DLGAP1: variants seen among roughly 807,000 people sequenced by gnomAD.
The protein encoded by DLGAP1 is disks large-associated protein 1.
Under a neutral mutation model 90.8 loss-of-function variants are expected in DLGAP1, and 11 were observed. The ratio of observed to expected loss-of-function variants is 0.12; its 90% CI spans 0.08 to 0.20. The LOEUF (loss-of-function observed/expected upper bound fraction) is 0.20, where lower values mean the gene tolerates loss of function less well. Among genes scored for constraint, DLGAP1 ranks in the 10% least tolerant of loss-of-function variants. The pLI, the probability that DLGAP1 is intolerant of heterozygous loss-of-function variation, is 1.00. For synonymous variants in DLGAP1, 558 were observed against 540.7 expected, an observed-to-expected ratio of 1.03 and a Z score of -0.44; for missense variants, 1,050 against 1,333.8, an observed-to-expected ratio of 0.79 and a Z score of 3.31.
At chr18:3,736,965 A>G (rs1185384282) in intron 6 of DLGAP1, among the ~76,000 whole-genome samples, 3 of 149,742 alleles carry the variant, frequency 2.0e-5, no homozygotes, top group Non-Finnish European at 4.4e-5. Flanking sequence ...CAGAAATACA[A>G]ACTACCATCA....
At chr18:3,705,644 ATAATAG>A (rs965075537) in intron 7 of DLGAP1, among the ~76,000 whole-genome samples, 3 of 150,412 alleles carry the variant, frequency 2.0e-5, no homozygotes, top group Non-Finnish European at 4.4e-5. Context: ...TATAATAATA[ATAATAG>A]TAATTATTAT....
At chr18:3,501,492 T>C (rs2049931460) in intron 12 of DLGAP1, among the ~76,000 whole-genome samples, 1 of 152,200 alleles carries the variant, frequency 6.6e-6, no homozygotes, top group African/African-American at 2.4e-5. Context: ...GGGACAGTGA[T>C]GAGAGCATCA....
At chr18:4,029,205 A>G (rs1047462823) in intron 2 of DLGAP1, among the ~76,000 whole-genome samples, 2 of 152,144 alleles carry the variant, frequency 1.3e-5, no homozygotes, top group African/African-American at 2.4e-5. Flanking sequence ...TTAAGGCTGA[A>G]TGGTATTCCC....
chr18:3,590,591 A>G (rs1475131656), intron 7 of DLGAP1, among the ~76,000 whole-genome samples: 1 of 152,126 alleles, frequency 6.6e-6, no homozygotes, highest in Non-Finnish European at 1.5e-5. Context: ...ACGGTGGCCC[A>G]CACCTGTAAT....
intron 2 of DLGAP1, among the ~76,000 whole-genome samples, chr18:4,015,874 G>C (rs2074514626): frequency 6.6e-6 from 1 of 152,092 alleles, no homozygotes; most frequent in Non-Finnish European, 1.5e-5. Context: ...TCCCACTGTT[G>C]AGCTAACAAT....
chr18:3,534,697 T>C, intron 9 of DLGAP1, 82 bp from the exon 10 acceptor site: 3 of 1,049,686 alleles, frequency 2.9e-6, no homozygotes, highest in Non-Finnish European at 3.7e-6. Context: ...TTTCTTTCTT[T>C]TTTTTTTTTT....
chr18:4,043,357 C>A (rs2075003582), intron 2 of DLGAP1, among the ~76,000 whole-genome samples: 1 of 152,270 alleles, frequency 6.6e-6, no homozygotes, highest in Non-Finnish European at 1.5e-5. Context: ...ATGTATGAAT[C>A]ATAATAGTAT....
intron 1 of DLGAP1, among the ~76,000 whole-genome samples, chr18:4,374,099 T>C (rs2081969916): frequency 6.6e-6 from 1 of 152,174 alleles, no homozygotes; most frequent in South Asian, 2.1e-4. Context: ...ACTTATAATC[T>C]AACAAAGTTA....
chr18:4,368,705 A>G (rs1456410019), intron 1 of DLGAP1, among the ~76,000 whole-genome samples: 1 of 151,648 alleles, frequency 6.6e-6, no homozygotes, highest in Non-Finnish European at 1.5e-5. Flanking sequence ...CTGTTTCTCT[A>G]GAGAACCATG....
intron 2 of DLGAP1, among the ~76,000 whole-genome samples, chr18:4,113,804 G>A (rs2076014379): frequency 6.6e-6 from 1 of 151,926 alleles, no homozygotes; most frequent in Non-Finnish European, 1.5e-5. Flanking sequence ...GAAACATAGG[G>A]GTCTAGTTTC....
intron 3 of DLGAP1, among the ~76,000 whole-genome samples, chr18:3,910,568 G>A (rs73940281): frequency 0.027 from 4,185 of 152,280 alleles, 194 homozygotes; most frequent in African/African-American, 0.095. Context: ...CTCAGGTGAA[G>A]TGAAGTTTTT....
chr18:3,740,382 C>T (rs62083249), intron 6 of DLGAP1, among the ~76,000 whole-genome samples: 85,641 of 152,006 alleles, frequency 0.56, 26,178 homozygotes, highest in African/African-American at 0.81. Flanking sequence ...AAGCAGTAAC[C>T]AGCACGAATA....
At chr18:4,440,064 G>A (rs1393765569) in intron 1 of DLGAP1, among the ~76,000 whole-genome samples, 2 of 134,968 alleles carry the variant, frequency 1.5e-5, no homozygotes, top group Non-Finnish European at 1.5e-5. Flanking sequence ...AGCTTGCAGT[G>A]AGCCGAGATC....
chr18:3,669,652 A>G (rs2060013581), intron 7 of DLGAP1, among the ~76,000 whole-genome samples: 1 of 152,194 alleles, frequency 6.6e-6, no homozygotes, highest in Admixed American at 6.5e-5. Flanking sequence ...AGAGCCGGGC[A>G]GCGGGTGGCC....
intron 4 of DLGAP1, among the ~76,000 whole-genome samples, chr18:3,839,430 C>A (rs2068583038): frequency 6.6e-6 from 1 of 152,096 alleles, no homozygotes; most frequent in Admixed American, 6.6e-5. Flanking sequence ...CACACGTAGG[C>A]ATTGGTAGCA....
At chr18:4,426,820 TA>T (rs2083169002) in intron 1 of DLGAP1, among the ~76,000 whole-genome samples, 3 of 152,134 alleles carry the variant, frequency 2.0e-5, no homozygotes, top group Admixed American at 2.0e-4. Flanking sequence ...GTAAAACCAA[TA>T]AAATGAGATT....
At chr18:3,595,675 G>C (rs1040156952) in intron 7 of DLGAP1, among the ~76,000 whole-genome samples, 1 of 152,214 alleles carries the variant, frequency 6.6e-6, no homozygotes, top group African/African-American at 2.4e-5. Flanking sequence ...AGAACATCAG[G>C]CTTACTAATT....
Position 3,775,466 on chromosome 18 carries a change from A to G in DLGAP1, c.1173-32954T>C, listed in dbSNP as rs2064897758. On this transcript the variant is annotated intron_variant, in intron 5 of 12. Coordinates refer to ENST00000315677, the MANE Select transcript of DLGAP1 (RefSeq NM_004746.4). This position sits in a 1 kb window ranked among gnomAD's most constrained non-coding sequence, Gnocchi z 4.9. ...ATTCTTTCTTCCTACTGCTCCAGCA[A>G]TGTAGGACATGCCTGCTTCCCTTTC... Among the ~76,000 whole-genome samples the G allele has an allele frequency of 6.6e-6, 1 of 152,128 alleles. No homozygotes were observed. Among genetic ancestry groups the G allele is most frequent in the African/African-American group, 2.4e-5 (1 of 41,424 alleles).
chr18:3,683,279 A>G (rs1471817159), intron 7 of DLGAP1, among the ~76,000 whole-genome samples: 2 of 152,208 alleles, frequency 1.3e-5, no homozygotes, highest in East Asian at 3.8e-4. Context: ...GTCAAACATC[A>G]AGAGAACACA....
Sources: gnomAD v4.1 joint callset for allele counts (sites outside exome capture counted in the v4.1 genomes callset) on GRCh38, gnomAD v4.1.1 for gene constraint, Gnocchi (gnomAD v3.1) non-coding constraint, MANE v1.5 for transcripts, NCBI Gene and HGNC (gene_info 2026-07-23, HGNC 2026-07-21) for gene names.